ATF7IP2: variants seen among roughly 807,000 people sequenced by gnomAD.
ATF7IP2 encodes the protein activating transcription factor 7 interacting protein 2.
ATF7IP2 carries 42 observed loss-of-function variants against 64.2 expected under a neutral mutation model. The observed-to-expected ratio is 0.65, with a 90% CI of 0.51 to 0.85. The LOEUF (loss-of-function observed/expected upper bound fraction) is 0.85. Among genes scored for constraint, ATF7IP2 ranks in the 40% least tolerant of loss-of-function variants. The pLI is 0.00. For synonymous variants in ATF7IP2, 308 were observed against 272.8 expected (o/e 1.13, Z -1.27); for missense variants, 933 against 784.2 (o/e 1.19, Z -2.27).
At position 10,396,413 on chromosome 16, in the gene ATF7IP2, G is replaced by A. The variant is rs187464567; in HGVS notation, c.-242+10291G>A. On this transcript the variant is annotated intron_variant, in intron 1 of 13. Coordinates refer to ENST00000562102, the MANE Select transcript of ATF7IP2 (RefSeq NM_001393719.1). ...ATTTTAGTGGTCTATTTTTGCCTTC[G>A]TTCCCTATGCTGTCGGGGTCATATC... is the stretch of plus-strand genomic sequence containing the variant. Among the ~76,000 whole-genome samples, 322 of 152,128 alleles carry A rather than the reference G, an allele frequency of 2.1e-3. 1 individual carries two copies. Among genetic ancestry groups the A allele is most frequent in the African/African-American group, 6.7e-3 (279 of 41,482 alleles).
intron 12 of ATF7IP2, among the ~76,000 whole-genome samples, chr16:10,477,787 T>C (rs2050066849): frequency 6.6e-6 from 1 of 152,220 alleles, no homozygotes; most frequent in Admixed American, 6.5e-5. Context: ...AGCTGATTGA[T>C]AGGCAACTTC....
chr16:10,440,363 G>C lies in ATF7IP2; in HGVS notation c.1096-1G>C. 6.7e-7 allele frequency: 1 copy of C among 1,489,926 alleles called. No individual in the cohort carries two copies. The highest frequency in any genetic ancestry group is 9.1e-7 in the Non-Finnish European group (1 of 1,101,128). The allele number at this position is 1,489,926 out of a possible 1,614,324, so 92.3% of individuals were successfully genotyped here. ...TTTATTTTTTTCTCTTTTTCTTCTA[G>C]GCAAAAATAGCAAAACTTCAAAGAC... On this transcript the variant is annotated splice_acceptor_variant, in intron 7 of 13. Transcript: ENST00000562102. LOFTEE classifies it high-confidence loss of function.
rs55798531 is a variant in ATF7IP2, at chr16:10,424,764, A to C, written c.-159-4104A>C. Among the ~76,000 whole-genome samples, 384 of 152,318 alleles carry C rather than the reference A, an allele frequency of 2.5e-3. 1 individual carries two copies. Among genetic ancestry groups the C allele is most frequent in the African/African-American group, 8.8e-3 (366 of 41,572 alleles). On this transcript the variant is annotated intron_variant, in intron 3 of 13. Coordinates refer to ENST00000562102, the MANE Select transcript of ATF7IP2 (RefSeq NM_001393719.1). The stretch of plus-strand genomic sequence containing the variant: ...TCTCAACATCATTAGCCGTCAGGTA[A>C]ATACAAATCAAAATGGCAATAAGGC...
intron 9 of ATF7IP2, among the ~76,000 whole-genome samples, chr16:10,469,036 A>G (rs1261794223): frequency 6.6e-6 from 1 of 152,188 alleles, no homozygotes; most frequent in East Asian, 1.9e-4. Context: ...AACAAAGTCT[A>G]ACACTCTTCT....
chr16:10,442,467 G>A (rs2048661380), intron 8 of ATF7IP2, among the ~76,000 whole-genome samples: 1 of 152,176 alleles, frequency 6.6e-6, no homozygotes, highest in South Asian at 2.1e-4. Context: ...TCCATGAATA[G>A]AAGGTATGAT....
At chr16:10,397,657 G>C (rs538873462) in intron 1 of ATF7IP2, among the ~76,000 whole-genome samples, 24 of 151,844 alleles carry the variant, frequency 1.6e-4, no homozygotes, top group African/African-American at 5.6e-4. Context: ...CGGGTGAATC[G>C]TTTGAGCTTA....
At chr16:10,425,059 T>A (rs2048057232) in intron 3 of ATF7IP2, among the ~76,000 whole-genome samples, 1 of 150,552 alleles carries the variant, frequency 6.6e-6, no homozygotes. Flanking sequence ...ATCAGATTTT[T>A]TTTTTTTTTT....
At chr16:10,470,687 G>C (rs1056717847) in intron 9 of ATF7IP2, among the ~76,000 whole-genome samples, 3 of 151,934 alleles carry the variant, frequency 2.0e-5, no homozygotes, top group Non-Finnish European at 4.4e-5. Flanking sequence ...AGGAGGCCGA[G>C]ATGAGAGGAT....
chr16:10,444,830 G>GT (rs753262496), intron 8 of ATF7IP2, among the ~76,000 whole-genome samples: 3 of 152,092 alleles, frequency 2.0e-5, no homozygotes, highest in East Asian at 3.9e-4. Context: ...CTGAATCAAT[G>GT]TTTTTTATTA....
intron 2 of ATF7IP2, among the ~76,000 whole-genome samples, chr16:10,415,558 T>C (rs1640673851): frequency 6.6e-6 from 1 of 152,210 alleles, no homozygotes; most frequent in African/African-American, 2.4e-5. Context: ...GACATTGTTC[T>C]GGGCAAAAGA....
intron 8 of ATF7IP2, among the ~76,000 whole-genome samples, chr16:10,456,528 A>G (rs964174116): frequency 3.3e-5 from 5 of 152,128 alleles, no homozygotes; most frequent in African/African-American, 1.2e-4. Flanking sequence ...ATGACAGTTT[A>G]CTTTTCAGAG....
At chr16:10,389,986 C>A (rs1596410813) in intron 1 of ATF7IP2, among the ~76,000 whole-genome samples, 1 of 152,288 alleles carries the variant, frequency 6.6e-6, no homozygotes, top group Non-Finnish European at 1.5e-5. Flanking sequence ...AGTCTTAAGA[C>A]CCTCCGTTCA....
intron 8 of ATF7IP2, among the ~76,000 whole-genome samples, chr16:10,450,740 C>T (rs2048958368): frequency 1.3e-5 from 2 of 152,130 alleles, no homozygotes; most frequent in African/African-American, 4.8e-5. Context: ...CTGAATACAG[C>T]ACACCAATGG....
At chr16:10,463,482 C>A (rs555586854) in intron 9 of ATF7IP2, among the ~76,000 whole-genome samples, 2 of 152,244 alleles carry the variant, frequency 1.3e-5, no homozygotes, top group East Asian at 1.9e-4. Flanking sequence ...TGCTCTGGAG[C>A]AAGTTAACTG....
At chr16:10,388,281 A>G (rs897012619) in intron 1 of ATF7IP2, among the ~76,000 whole-genome samples, 9 of 152,230 alleles carry the variant, frequency 5.9e-5, no homozygotes, top group Non-Finnish European at 1.3e-4. Flanking sequence ...ACGATGGGAC[A>G]GATTGGAGTC....
chr16:10,407,157 A>G (rs1019591491), intron 1 of ATF7IP2, among the ~76,000 whole-genome samples: 1 of 152,218 alleles, frequency 6.6e-6, no homozygotes, highest in Non-Finnish European at 1.5e-5. Flanking sequence ...CTGAAAATGC[A>G]TTTGATAACA....
chr16:10,409,022 C>G (rs569975252), intron 1 of ATF7IP2, among the ~76,000 whole-genome samples: 5 of 152,144 alleles, frequency 3.3e-5, no homozygotes, highest in Admixed American at 2.0e-4. Flanking sequence ...GGGTGCTGCT[C>G]ATGTCATTCA....
chr16:10,439,657 C>T (rs571054096), intron 7 of ATF7IP2, among the ~76,000 whole-genome samples: 2 of 150,826 alleles, frequency 1.3e-5, no homozygotes, highest in East Asian at 2.0e-4. Flanking sequence ...CTCAGCCTCC[C>T]GAGTAGCTGG....
At chr16:10,424,958 C>T (rs1225180410) in intron 3 of ATF7IP2, among the ~76,000 whole-genome samples, 1 of 151,972 alleles carries the variant, frequency 6.6e-6, no homozygotes, top group African/African-American at 2.4e-5. Flanking sequence ...CTAGAGTTAC[C>T]ACATGACCAA....
Sources: allele counts gnomAD v4.1 joint callset (sites outside exome capture counted in the v4.1 genomes callset), GRCh38; gene constraint gnomAD v4.1.1; transcripts MANE v1.5; gene names NCBI Gene and HGNC (gene_info 2026-07-23, HGNC 2026-07-21).